MORC1: variants seen among roughly 807,000 people sequenced by gnomAD.
MORC1 encodes MORC family CW-type zinc finger 1.
In MORC1, 59 loss-of-function variants were observed where a neutral mutation model predicts 134.9. That is an observed-to-expected ratio of 0.44 (90% CI 0.35 to 0.54). The LOEUF (loss-of-function observed/expected upper bound fraction) is 0.54, where lower values mean the gene tolerates loss of function less well. Ranked by LOEUF, MORC1 falls within the 20% of genes least tolerant of loss-of-function variation. The pLI, the probability that MORC1 is intolerant of heterozygous loss-of-function variation, is 0.00. For missense variants in MORC1, 947 were observed against 1,134.5 expected (o/e 0.83, Z 2.37); for synonymous variants, 395 against 391.7 (o/e 1.01, Z -0.10).
chr3:109,066,618 T>A (rs1356305167), intron 9 of MORC1, among the ~76,000 whole-genome samples: 4 of 152,218 alleles, frequency 2.6e-5, no homozygotes, highest in Non-Finnish European at 5.9e-5. Flanking sequence ...TTGCCAAATG[T>A]CCAATGCCTA....
intron 17 of MORC1, chr3:109,019,121 T>A (rs1388549658): frequency 6.6e-6 from 1 of 152,208 alleles, no homozygotes; most frequent in South Asian, 2.1e-4. Flanking sequence ...AGTCTTAATC[T>A]TCTTCTTTTC....
chr3:109,080,451 G>C (rs1465754123), intron 8 of MORC1, among the ~76,000 whole-genome samples: 2 of 151,992 alleles, frequency 1.3e-5, no homozygotes, highest in Non-Finnish European at 2.9e-5. Flanking sequence ...GATCTGGGTG[G>C]GGACACAGCC....
chr3:109,065,877 C>G (rs1478856914), intron 9 of MORC1, among the ~76,000 whole-genome samples: 2 of 152,180 alleles, frequency 1.3e-5, no homozygotes, highest in Non-Finnish European at 2.9e-5. Context: ...TGACATAATG[C>G]AGTGGAGACC....
At chr3:109,101,105 G>T (rs144786876) in intron 4 of MORC1, among the ~76,000 whole-genome samples, 1 of 152,124 alleles carries the variant, frequency 6.6e-6, no homozygotes, top group Non-Finnish European at 1.5e-5. Flanking sequence ...AGGCAACTAC[G>T]TAATACTTAT....
intron 21 of MORC1, among the ~76,000 whole-genome samples, chr3:108,992,491 T>C (rs966341569): frequency 6.6e-6 from 1 of 152,214 alleles, no homozygotes; most frequent in African/African-American, 2.4e-5. Flanking sequence ...ATTTTATCTA[T>C]ATGACCCAGA....
At chr3:108,965,342 C>T (rs1039645191) in intron 26 of MORC1, among the ~76,000 whole-genome samples, 21 of 152,146 alleles carry the variant, frequency 1.4e-4, no homozygotes, top group African/African-American at 4.6e-4. Flanking sequence ...AAGGAACCTG[C>T]TATTGACACA....
chr3:109,011,492 T>C (rs910401806), intron 17 of MORC1, among the ~76,000 whole-genome samples: 2 of 152,024 alleles, frequency 1.3e-5, no homozygotes, highest in Non-Finnish European at 2.9e-5. Context: ...TTTAACTGCA[T>C]TGTCTTATTA....
intron 9 of MORC1, among the ~76,000 whole-genome samples, chr3:109,068,208 C>T (rs1316359121): frequency 1.3e-5 from 2 of 152,122 alleles, no homozygotes; most frequent in African/African-American, 4.8e-5. Flanking sequence ...TTAATCTTAT[C>T]TTTTTTCTAT....
intron 26 of MORC1, among the ~76,000 whole-genome samples, chr3:108,968,898 G>A (rs1947291590): frequency 1.3e-5 from 2 of 151,904 alleles, no homozygotes; most frequent in Admixed American, 6.6e-5. Context: ...GGCCATCCTG[G>A]CTCCAACATT....
chr3:108,993,963 T>C (rs1179334368), intron 21 of MORC1, among the ~76,000 whole-genome samples: 2 of 152,138 alleles, frequency 1.3e-5, no homozygotes, highest in Non-Finnish European at 1.5e-5. Context: ...ATCTAGATGT[T>C]CTCCAGTTTT....
At chr3:108,959,162 C>A (rs1166824573) in intron 27 of MORC1, 42 bp from the exon 28 acceptor site, 2 of 1,513,600 alleles carry the variant, frequency 1.3e-6, no homozygotes, top group Non-Finnish European at 1.8e-6. Flanking sequence ...AAAGAAGCTG[C>A]AGAGCTTATT....
Position 108,983,860 on chromosome 3 carries a change from G to C in MORC1, c.2324+856C>G, listed in dbSNP as rs149252057. Among the ~76,000 whole-genome samples, 10 of 152,242 alleles carry C rather than the reference G, an allele frequency of 6.6e-5. No individual in the cohort carries two copies. In the East Asian group the frequency reaches 1.4e-3, roughly 21 times the overall value. ...AGTAAAGGAAGTGGTACAGACAAAG[G>C]GGGGATGAGAAGATGTAATAAAAGA... On this transcript the variant is annotated intron_variant, in intron 23 of 27. Coordinates refer to ENST00000232603, the MANE Select transcript of MORC1 (RefSeq NM_014429.4).
chr3:109,051,514 TAATGAAGTTTGAG>T (rs1178248328), intron 14 of MORC1, among the ~76,000 whole-genome samples: 1 of 152,182 alleles, frequency 6.6e-6, no homozygotes, highest in African/African-American at 2.4e-5. Context: ...TTTAGTTTGA[TAATGAAGTTTGAG>T]GATGAAGTGA....
chr3:109,020,277 G>A (rs941987801), intron 17 of MORC1, among the ~76,000 whole-genome samples: 5 of 152,130 alleles, frequency 3.3e-5, no homozygotes, highest in East Asian at 1.9e-4. Flanking sequence ...GGGGGGTCCC[G>A]CCAAGTGGAG....
intron 3 of MORC1, among the ~76,000 whole-genome samples, chr3:109,104,493 TATC>T (rs1175794259): frequency 6.6e-6 from 1 of 152,164 alleles, no homozygotes; most frequent in Non-Finnish European, 1.5e-5. Context: ...GATTTGAAGA[TATC>T]ATTAAATTAC....
At chr3:108,959,563 T>G (rs2715760) in intron 27 of MORC1, among the ~76,000 whole-genome samples, 18,535 of 152,218 alleles carry the variant, frequency 0.12, 1,211 homozygotes, top group Non-Finnish European at 0.15. Flanking sequence ...CTTGGCTTAC[T>G]ACCCTGGTCT....
At chr3:109,111,128 C>CA (rs993679031) in intron 2 of MORC1, among the ~76,000 whole-genome samples, 23 of 132,958 alleles carry the variant, frequency 1.7e-4, no homozygotes, top group East Asian at 6.5e-4. Flanking sequence ...TATTTTAGTT[C>CA]AAAAAAAAAA....
intron 7 of MORC1, among the ~76,000 whole-genome samples, 171 bp downstream of exon 7, chr3:109,094,734 ATTTG>A (rs1159633363): frequency 6.6e-6 from 1 of 152,152 alleles, no homozygotes; most frequent in Non-Finnish European, 1.5e-5. Context: ...ATTTACAGTA[ATTTG>A]TTTGGATGCT....
chr3:108,990,127 C>T (rs540043963), intron 21 of MORC1, among the ~76,000 whole-genome samples: 29 of 152,242 alleles, frequency 1.9e-4, no homozygotes, highest in African/African-American at 5.8e-4. Context: ...GCCTCCCCAG[C>T]CATGTGGAAT....
Sources: allele counts gnomAD v4.1 joint callset (sites outside exome capture counted in the v4.1 genomes callset), GRCh38; gene constraint gnomAD v4.1.1; transcripts MANE v1.5; gene names NCBI Gene and HGNC (gene_info 2026-07-23, HGNC 2026-07-21).